SLC9A2: variants seen among roughly 807,000 people sequenced by gnomAD.
SLC9A2 encodes the protein solute carrier family 9 member A2.
Under a neutral mutation model 71.7 loss-of-function variants are expected in SLC9A2, and 42 were observed. The ratio of observed to expected loss-of-function variants is 0.59; its 90% CI spans 0.46 to 0.76. The LOEUF (loss-of-function observed/expected upper bound fraction) is 0.76, where lower values mean the gene tolerates loss of function less well. Ranked by LOEUF, SLC9A2 falls within the 30% of genes least tolerant of loss-of-function variation. The probability of loss-of-function intolerance (pLI) is 0.00; values close to 1 mark genes in which losing one functional copy is unlikely to be tolerated. For synonymous variants in SLC9A2, 396 were observed against 392.5 expected (o/e 1.01, Z -0.10); for missense variants, 829 against 1,017.4 (o/e 0.81, Z 2.52).
chr2:102,640,863 G>C (rs1309182505), intron 1 of SLC9A2, among the ~76,000 whole-genome samples: 1 of 152,156 alleles, frequency 6.6e-6, no homozygotes, highest in Non-Finnish European at 1.5e-5. Context: ...CCAGCCACCA[G>C]TCATCTCATT....
intron 3 of SLC9A2, among the ~76,000 whole-genome samples, chr2:102,673,951 C>T (rs1031665595): frequency 6.6e-6 from 1 of 151,968 alleles, no homozygotes; most frequent in Non-Finnish European, 1.5e-5. Context: ...CCACGCCCGG[C>T]TAATTTTTTG....
At chr2:102,672,891 T>C (rs114556224) in intron 3 of SLC9A2, among the ~76,000 whole-genome samples, 139 of 152,250 alleles carry the variant, frequency 9.1e-4, no homozygotes, top group African/African-American at 3.0e-3. Context: ...AAAACAACAT[T>C]AAAGGCACTA....
intron 5 of SLC9A2, among the ~76,000 whole-genome samples, chr2:102,692,428 T>C (rs1200040941): frequency 6.6e-6 from 1 of 152,196 alleles, no homozygotes; most frequent in South Asian, 2.1e-4. Flanking sequence ...GTCAAATGCA[T>C]GGCAGGGAAT....
chr2:102,624,046 G>GA, intron 1 of SLC9A2, among the ~76,000 whole-genome samples: 1 of 152,160 alleles, frequency 6.6e-6, no homozygotes, highest in African/African-American at 2.4e-5. Context: ...GATTATCAGG[G>GA]AAAATCAACA....
At chr2:102,623,511 G>A (rs113293965) in intron 1 of SLC9A2, among the ~76,000 whole-genome samples, 37 of 152,242 alleles carry the variant, frequency 2.4e-4, no homozygotes, top group African/African-American at 8.7e-4. Flanking sequence ...TTTTAAGCAG[G>A]ACCGTCCTGG....
intron 3 of SLC9A2, among the ~76,000 whole-genome samples, chr2:102,671,357 C>T (rs1025259412): frequency 2.6e-5 from 4 of 152,078 alleles, no homozygotes; most frequent in Admixed American, 2.6e-4. Context: ...CATAAATAAG[C>T]CTGGGGTGGG....
intron 3 of SLC9A2, among the ~76,000 whole-genome samples, chr2:102,679,371 T>C (rs1237703403): frequency 1.9e-5 from 1 of 52,748 alleles, no homozygotes; most frequent in East Asian, 8.9e-4. Context: ...ACACCAAAGC[T>C]ATATATATAT....
intron 1 of SLC9A2, among the ~76,000 whole-genome samples, chr2:102,656,092 T>G (rs2104518720): frequency 6.6e-6 from 1 of 152,362 alleles, no homozygotes; most frequent in African/African-American, 2.4e-5. Context: ...TCTGCTTTAG[T>G]TCTAAAACGT....
intron 1 of SLC9A2, among the ~76,000 whole-genome samples, chr2:102,631,684 C>T (rs548202756): frequency 6.6e-6 from 1 of 152,058 alleles, no homozygotes; most frequent in South Asian, 2.1e-4. Flanking sequence ...GCCTAATTCT[C>T]ATGGTTATGT....
chr2:102,626,904 A>G (rs971328182), intron 1 of SLC9A2, among the ~76,000 whole-genome samples: 9 of 152,152 alleles, frequency 5.9e-5, no homozygotes, highest in Admixed American at 2.6e-4. Flanking sequence ...CACTTTAACA[A>G]TGATAACAAT....
chr2:102,699,182 A>G (rs1211690135), intron 7 of SLC9A2, among the ~76,000 whole-genome samples: 1 of 152,180 alleles, frequency 6.6e-6, no homozygotes, highest in Non-Finnish European at 1.5e-5. Flanking sequence ...TTGTGAGAAA[A>G]TGATTGTCAA....
intron 8 of SLC9A2, among the ~76,000 whole-genome samples, chr2:102,702,136 A>G (rs749659562): frequency 2.0e-5 from 3 of 152,252 alleles, no homozygotes; most frequent in Non-Finnish European, 4.4e-5. Flanking sequence ...AAAGTGAGGT[A>G]GCATTATAAG....
At chr2:102,706,598 T>C (rs1677981543) in intron 11 of SLC9A2, among the ~76,000 whole-genome samples, 1 of 152,100 alleles carries the variant, frequency 6.6e-6, no homozygotes, top group African/African-American at 2.4e-5. Flanking sequence ...AAAGAATGAG[T>C]TCAAGAGTTT....
intron 1 of SLC9A2, among the ~76,000 whole-genome samples, chr2:102,650,837 T>C (rs1396922241): frequency 1.3e-5 from 2 of 152,218 alleles, no homozygotes; most frequent in Non-Finnish European, 2.9e-5. Flanking sequence ...TGAGAAGTGA[T>C]GGCTCTTCTC....
intron 5 of SLC9A2, among the ~76,000 whole-genome samples, chr2:102,691,554 A>C (rs1677663017): frequency 1.3e-5 from 2 of 152,194 alleles, no homozygotes. Context: ...AAGGAAAGTA[A>C]GAAGGGAGGG....
At chr2:102,699,123 G>C (rs912883329) in intron 7 of SLC9A2, among the ~76,000 whole-genome samples, 1 of 152,176 alleles carries the variant, frequency 6.6e-6, no homozygotes, top group Admixed American at 6.5e-5. Context: ...GGGGACTGCT[G>C]GGGGAGGAAG....
chr2:102,623,021 C>T (rs1470051158), intron 1 of SLC9A2, among the ~76,000 whole-genome samples: 6 of 152,184 alleles, frequency 3.9e-5, no homozygotes, highest in African/African-American at 1.4e-4. Context: ...GGCATTCATG[C>T]TTGCTTGCAT....
chr2:102,709,916 A>G lies in SLC9A2; in HGVS notation c.*1427A>G, dbSNP rs1678071886. 6.6e-6 allele frequency: 1 copy of G among 152,394 alleles called. No individual in the cohort carries two copies. Among genetic ancestry groups the G allele is most frequent in the Non-Finnish European group, 1.5e-5 (1 of 68,032 alleles). The allele number at this position is 152,394 out of a possible 1,614,324, so 9.4% of individuals were successfully genotyped here. ...TTGATTTCCCACTGAAGATACCCCA[A>G]AGGATGCAAGTGCCTACAGTATTAT... On this transcript the variant is annotated 3_prime_UTR_variant, in exon 12 of 12. Coordinates refer to ENST00000233969, the MANE Select transcript of SLC9A2 (RefSeq NM_003048.6).
intron 2 of SLC9A2, among the ~76,000 whole-genome samples, chr2:102,662,049 G>C (rs1558711655): frequency 6.6e-6 from 1 of 152,186 alleles, no homozygotes; most frequent in Non-Finnish European, 1.5e-5. Flanking sequence ...GGGAGGTTGT[G>C]GAAAGCTTTC....
Sources: gnomAD v4.1 joint callset for allele counts (sites outside exome capture counted in the v4.1 genomes callset) on GRCh38, gnomAD v4.1.1 for gene constraint, MANE v1.5 for transcripts, NCBI Gene and HGNC (gene_info 2026-07-23, HGNC 2026-07-21) for gene names.